Variants in BEND6 observed in about 807,000 individuals in gnomAD.
The protein encoded by BEND6 is BEN domain containing 6.
In BEND6, 24 loss-of-function variants were observed where a neutral mutation model predicts 31.8. The ratio of observed to expected loss-of-function variants is 0.75; its 90% confidence interval spans 0.55 to 1.06. The LOEUF is 1.06. Ranked by LOEUF, BEND6 falls within the 50% of genes least tolerant of loss-of-function variation. The probability of loss-of-function intolerance (pLI) is 0.00; values close to 1 mark genes in which losing one functional copy is unlikely to be tolerated. For synonymous variants in BEND6, 109 were observed against 114.6 expected, an observed-to-expected ratio of 0.95 and a Z score of 0.31; for missense variants, 294 against 327.4, an observed-to-expected ratio of 0.90 and a Z score of 0.79.
intron 6 of BEND6, among the ~76,000 whole-genome samples, chr6:57,025,748 AT>A (rs749555455): frequency 1.2e-4 from 18 of 152,166 alleles, no homozygotes; most frequent in Non-Finnish European, 2.5e-4. Context: ...ATTATTGTGG[AT>A]AAGGAAGCCT....
intron 3 of BEND6, chr6:57,008,475 G>A: frequency 2.2e-6 from 1 of 457,246 alleles, no homozygotes; most frequent in South Asian, 4.1e-5. Flanking sequence ...CTGTCTGTGT[G>A]ACTGTCATGC....
At chr6:56,964,112 AT>A (rs1467860790) in intron 1 of BEND6, among the ~76,000 whole-genome samples, 2 of 151,214 alleles carry the variant, frequency 1.3e-5, no homozygotes, top group African/African-American at 4.8e-5. Flanking sequence ...TATTATTCCC[AT>A]TTCACAGATG....
intron 3 of BEND6, among the ~76,000 whole-genome samples, 160 bp from the exon 4 acceptor site, chr6:57,014,973 T>C (rs1292459842): frequency 3.3e-5 from 5 of 152,194 alleles, no homozygotes; most frequent in African/African-American, 1.2e-4. Context: ...TAAAAGTAAA[T>C]ATGTTCCAAA....
intron 6 of BEND6, among the ~76,000 whole-genome samples, chr6:57,019,335 G>T (rs1038502794): frequency 6.6e-6 from 1 of 152,100 alleles, no homozygotes; most frequent in Non-Finnish European, 1.5e-5. Flanking sequence ...TGGAAAATAC[G>T]TGAAACCATG....
chr6:57,001,484 A>T (rs1417783431), intron 3 of BEND6, among the ~76,000 whole-genome samples: 1 of 152,198 alleles, frequency 6.6e-6, no homozygotes, highest in Non-Finnish European at 1.5e-5. Context: ...CTTAAAAGCC[A>T]CTAGAGAAAA....
At chr6:56,995,557 C>A (rs1826674636) in intron 3 of BEND6, among the ~76,000 whole-genome samples, 1 of 152,134 alleles carries the variant, frequency 6.6e-6, no homozygotes, top group Admixed American at 6.6e-5. Context: ...GGCCATACTC[C>A]CCCTGCAGGT....
At position 56,981,865 on chromosome 6, in the gene BEND6, G is replaced by GAAA. The variant is rs1826083344; in HGVS notation, c.55_56insAAA (p.Gly19delinsGluArg). 2.5e-6 allele frequency: 4 copies of GAAA among 1,612,656 alleles called. No homozygotes were observed. In the South Asian group the frequency reaches 3.3e-5, roughly 13 times the overall value. Reference sequence around the variant, plus strand: ...TACCAATACACAAGCTTTTAGAAAAGGAAAGAGGAAAAGAACAGAGACAAT... The same window carrying GAAA: ...TACCAATACACAAGCTTTTAGAAAAGAAAGAAAGAGGAAAAGAACAGAGACAAT... On this transcript the variant is annotated protein_altering_variant, in exon 2 of 7. Coordinates refer to ENST00000370746, the MANE Select transcript of BEND6 (RefSeq NM_152731.3).
chr6:56,974,948 C>A (rs1296094767), intron 1 of BEND6, among the ~76,000 whole-genome samples: 2 of 151,954 alleles, frequency 1.3e-5, no homozygotes, highest in African/African-American at 4.8e-5. Flanking sequence ...TGGTGAAACC[C>A]CATCCCTACA....
chr6:56,979,159 G>A lies in BEND6; in HGVS notation c.-100-2552G>A, dbSNP rs144474605. 5.9e-5 allele frequency among the ~76,000 whole-genome samples: 9 copies of A among 152,238 alleles called. No homozygotes were observed. In the East Asian group the frequency reaches 7.7e-4, roughly 13 times the overall value. The stretch of plus-strand genomic sequence containing the variant: ...CATATTTCAAAATCCATTTTATTGT[G>A]CAATTTGAGGCGCTTCCACCTAACC... On this transcript the variant is annotated intron_variant, in intron 1 of 6. Transcript: ENST00000370746.
intron 3 of BEND6, among the ~76,000 whole-genome samples, chr6:56,995,592 C>A (rs1359792826): frequency 6.6e-6 from 1 of 152,158 alleles, no homozygotes; most frequent in Non-Finnish European, 1.5e-5. Flanking sequence ...GTTCAGGTTT[C>A]TCTCCTAGCT....
At chr6:56,997,186 G>C (rs1163575520) in intron 3 of BEND6, among the ~76,000 whole-genome samples, 1 of 152,038 alleles carries the variant, frequency 6.6e-6, no homozygotes, top group Non-Finnish European at 1.5e-5. Flanking sequence ...TAGTGTCTTT[G>C]TGCTTTCCAT....
intron 1 of BEND6, among the ~76,000 whole-genome samples, chr6:56,960,953 CA>C (rs1825266231): frequency 6.6e-6 from 1 of 152,102 alleles, no homozygotes; most frequent in Non-Finnish European, 1.5e-5. Context: ...AGAAGAAAGC[CA>C]TTAACCTAAA....
chr6:56,968,116 A>G (rs553340578), intron 1 of BEND6, among the ~76,000 whole-genome samples: 2 of 152,284 alleles, frequency 1.3e-5, no homozygotes, highest in East Asian at 1.9e-4. Flanking sequence ...TCTTTTCTAG[A>G]TAATGGTTAC....
chr6:56,971,948 T>G (rs377055258), intron 1 of BEND6, among the ~76,000 whole-genome samples: 1 of 152,130 alleles, frequency 6.6e-6, no homozygotes. Flanking sequence ...TGCACAAAAC[T>G]TTAATTTGCA....
intron 2 of BEND6, among the ~76,000 whole-genome samples, chr6:56,991,911 C>T (rs1359801208): frequency 6.6e-6 from 1 of 152,112 alleles, no homozygotes; most frequent in Non-Finnish European, 1.5e-5. Context: ...TTGTTTGTAG[C>T]TGGCACATAG....
chr6:56,978,156 G>A (rs1031207510), intron 1 of BEND6, among the ~76,000 whole-genome samples: 13 of 151,800 alleles, frequency 8.6e-5, no homozygotes, highest in Non-Finnish European at 1.6e-4. Context: ...CATGGTGCAT[G>A]CCTGTAGCCC....
chr6:56,981,494 A>G (rs954053356), intron 1 of BEND6, among the ~76,000 whole-genome samples: 2 of 152,220 alleles, frequency 1.3e-5, no homozygotes, highest in African/African-American at 4.8e-5. Flanking sequence ...TTTGTAAATT[A>G]CAACTCACTG....
chr6:57,004,659 A>G, intron 3 of BEND6: 1 of 1,317,848 alleles, frequency 7.6e-7, no homozygotes, highest in Non-Finnish European at 1.1e-6. Context: ...AGTGGGCATT[A>G]CATTTGGAAA....
intron 3 of BEND6, among the ~76,000 whole-genome samples, chr6:57,002,922 T>A (rs886885714): frequency 1.3e-5 from 2 of 152,128 alleles, no homozygotes; most frequent in African/African-American, 4.8e-5. Flanking sequence ...AAAAGTTTGT[T>A]CTTTGAAAGG....
Sources: gnomAD v4.1 joint callset for allele counts (sites outside exome capture counted in the v4.1 genomes callset) on GRCh38, gnomAD v4.1.1 for gene constraint, MANE v1.5 for transcripts, NCBI Gene and HGNC (gene_info 2026-07-23, HGNC 2026-07-21) for gene names.